Variants in KATNIP observed in about 807,000 individuals in gnomAD.
The protein encoded by KATNIP is katanin interacting protein.
A neutral mutation model predicts 174.0 loss-of-function variants in KATNIP; 126 were observed. The ratio of observed to expected loss-of-function variants is 0.72; its 90% CI spans 0.63 to 0.84. The LOEUF (loss-of-function observed/expected upper bound fraction) is 0.84, where lower values mean the gene tolerates loss of function less well. KATNIP is among the 40% of genes least tolerant of loss of function. The probability of loss-of-function intolerance (pLI) is 0.00; values close to 1 mark genes in which losing one functional copy is unlikely to be tolerated. For synonymous variants in KATNIP, 810 were observed against 835.7 expected, an observed-to-expected ratio of 0.97 and a Z score of 0.53; for missense variants, 1,958 against 2,109.7, an observed-to-expected ratio of 0.93 and a Z score of 1.41.
chr16:27,630,921 C>T, intron 4 of KATNIP, 144 bp from the exon 5 acceptor site: 5 of 623,174 alleles, frequency 8.0e-6, no homozygotes, highest in South Asian at 4.0e-5. Context: ...GTCTTGTTGC[C>T]ACAACCACGC....
At chr16:27,764,026 G>A (rs939535282) in intron 19 of KATNIP, among the ~76,000 whole-genome samples, 2 of 152,188 alleles carry the variant, frequency 1.3e-5, no homozygotes, top group African/African-American at 2.4e-5. Context: ...TGGTTGCCAG[G>A]CTCTTTGTGA....
intron 5 of KATNIP, chr16:27,632,442 C>A: frequency 2.9e-6 from 1 of 349,718 alleles, no homozygotes; most frequent in South Asian, 2.1e-5. Flanking sequence ...TGCGCATGTG[C>A]AGTTGAGCTT....
intron 2 of KATNIP, among the ~76,000 whole-genome samples, chr16:27,582,274 G>A (rs1019598670): frequency 2.6e-5 from 4 of 152,060 alleles, no homozygotes; most frequent in African/African-American, 9.7e-5. Context: ...TTTAAAAAAA[G>A]TTTTTTTAAA....
chr16:27,550,195 C>G lies in KATNIP; in HGVS notation c.7+18C>G. On this transcript the variant is annotated intron_variant, in intron 1 of 27. Coordinates refer to ENST00000261588, the MANE Select transcript of KATNIP (RefSeq NM_015202.5). ...GATGGACGGTGAGTGTCTGTGGGCC[C>G]CTCCGGGAGGTCGGGCTGTTATTCT... 1 of 1,607,366 alleles carries G rather than the reference C, an allele frequency of 6.2e-7. No homozygotes were observed. The highest frequency in any genetic ancestry group is 8.5e-7 in the Non-Finnish European group (1 of 1,175,194).
intron 2 of KATNIP, among the ~76,000 whole-genome samples, chr16:27,606,785 C>T (rs903088614): frequency 1.3e-5 from 2 of 151,456 alleles, no homozygotes; most frequent in East Asian, 3.9e-4. Context: ...AGGCTGGTCT[C>T]GATCTCCTGG....
At chr16:27,558,718 T>A (rs1471813593) in intron 1 of KATNIP, among the ~76,000 whole-genome samples, 1 of 152,250 alleles carries the variant, frequency 6.6e-6, no homozygotes, top group African/African-American at 2.4e-5. Context: ...AAGAGACTTA[T>A]GTGGCCCACG....
chr16:27,595,967 G>A (rs78966462), intron 2 of KATNIP, among the ~76,000 whole-genome samples: 2,539 of 152,286 alleles, frequency 0.017, 26 homozygotes, highest in Non-Finnish European at 0.027. Flanking sequence ...GAGGAGGAAC[G>A]AGGGTGGTGG....
At chr16:27,561,404 C>T (rs1596717277) in intron 1 of KATNIP, among the ~76,000 whole-genome samples, 1 of 152,104 alleles carries the variant, frequency 6.6e-6, no homozygotes, top group East Asian at 1.9e-4. Context: ...GCTTCCTTTC[C>T]TGTTCCCCGC....
chr16:27,758,518 A>G (rs2081822553), intron 18 of KATNIP, among the ~76,000 whole-genome samples: 1 of 152,158 alleles, frequency 6.6e-6, no homozygotes, highest in Non-Finnish European at 1.5e-5. Flanking sequence ...CCCTGCTTCA[A>G]CATAGAATCT....
At chr16:27,573,063 C>T (rs1389713825) in intron 1 of KATNIP, among the ~76,000 whole-genome samples, 3 of 152,210 alleles carry the variant, frequency 2.0e-5, no homozygotes, top group African/African-American at 7.2e-5. Flanking sequence ...CGTTGCTTTC[C>T]TCTTGCTAAG....
At chr16:27,578,108 C>T (rs2090565324) in intron 2 of KATNIP, among the ~76,000 whole-genome samples, 1 of 152,094 alleles carries the variant, frequency 6.6e-6, no homozygotes, top group Non-Finnish European at 1.5e-5. Context: ...TTTTAATCCC[C>T]TAAGTGGTTC....
intron 8 of KATNIP, among the ~76,000 whole-genome samples, chr16:27,688,516 G>A (rs1452639068): frequency 1.3e-5 from 2 of 152,042 alleles, no homozygotes; most frequent in Non-Finnish European, 1.5e-5. Flanking sequence ...GCTTGAACCC[G>A]GGAGGCAGAG....
chr16:27,673,289 G>T (rs76006911), intron 6 of KATNIP, among the ~76,000 whole-genome samples: 1 of 152,118 alleles, frequency 6.6e-6, no homozygotes, highest in Non-Finnish European at 1.5e-5. Flanking sequence ...TTATTCTACC[G>T]TAAAGGATTA....
chr16:27,744,349 G>C (rs2081208492), intron 15 of KATNIP, among the ~76,000 whole-genome samples: 1 of 152,006 alleles, frequency 6.6e-6, no homozygotes, highest in Admixed American at 6.6e-5. Context: ...AATATAGTAA[G>C]ACTCCATCTC....
In KATNIP at chr16:27,598,369, G is replaced by A. The variant is rs181018794; in HGVS notation, c.64-20056G>A. 2.4e-3 allele frequency among the ~76,000 whole-genome samples: 363 copies of A among 152,218 alleles called. 1 individual carries two copies. The highest frequency in any genetic ancestry group is 8.4e-3 in the African/African-American group (349 of 41,540). ...ACAAATGAAAAACCGTCTCTCTCCT[G>A]TCTGCACATCTGGCTTCTTCCCGGG... is the stretch of plus-strand genomic sequence containing the variant. On this transcript the variant is annotated intron_variant, in intron 2 of 27. Transcript: ENST00000261588.
intron 8 of KATNIP, among the ~76,000 whole-genome samples, chr16:27,682,935 T>G (rs763777554): frequency 2.0e-5 from 3 of 152,168 alleles, no homozygotes; most frequent in Non-Finnish European, 4.4e-5. Context: ...CCCCTCACCA[T>G]GCACTGCCTC....
At chr16:27,571,253 G>A (rs1049703483) in intron 1 of KATNIP, among the ~76,000 whole-genome samples, 5 of 152,150 alleles carry the variant, frequency 3.3e-5, no homozygotes, top group Non-Finnish European at 7.3e-5. Context: ...GGCTGGTCTT[G>A]AAGTCCTGAC....
chr16:27,655,731 G>A (rs768415002), intron 6 of KATNIP, among the ~76,000 whole-genome samples: 5 of 152,116 alleles, frequency 3.3e-5, no homozygotes, highest in Non-Finnish European at 5.9e-5. Context: ...ATGGTTTGAG[G>A]AAACTGAGGA....
intron 2 of KATNIP, among the ~76,000 whole-genome samples, chr16:27,593,624 C>A (rs1350886557): frequency 6.6e-6 from 1 of 151,996 alleles, no homozygotes; most frequent in African/African-American, 2.4e-5. Context: ...CTCGACCTCC[C>A]AGGCCAAGCG....
Sources: allele counts gnomAD v4.1 joint callset (sites outside exome capture counted in the v4.1 genomes callset), GRCh38; gene constraint gnomAD v4.1.1; transcripts MANE v1.5; gene names NCBI Gene and HGNC (gene_info 2026-07-23, HGNC 2026-07-21).